P4HA2: variants seen among roughly 807,000 people sequenced by gnomAD.
The protein encoded by P4HA2 is prolyl 4-hydroxylase subunit alpha 2.
P4HA2 carries 46 observed loss-of-function variants against 76.9 expected under a neutral mutation model. The ratio of observed to expected loss-of-function variants is 0.60; its 90% CI spans 0.47 to 0.76. The LOEUF is 0.76. Ranked by LOEUF, P4HA2 falls within the 30% of genes least tolerant of loss-of-function variation. The pLI, the probability that P4HA2 is intolerant of heterozygous loss-of-function variation, is 0.00. For synonymous variants in P4HA2, 243 were observed against 254.0 expected (o/e 0.96, Z 0.41); for missense variants, 583 against 669.4 (o/e 0.87, Z 1.42).
chr5:132,194,696 C>A (rs1750356867), intron 14 of P4HA2, among the ~76,000 whole-genome samples: 2 of 152,212 alleles, frequency 1.3e-5, no homozygotes, highest in African/African-American at 2.4e-5. Flanking sequence ...CGTCCTCAGG[C>A]CTTCTTCAGC....
chr5:132,213,051 C>G (rs935955173), intron 5 of P4HA2, among the ~76,000 whole-genome samples: 1 of 152,154 alleles, frequency 6.6e-6, no homozygotes, highest in East Asian at 1.9e-4. Flanking sequence ...AACACTAACA[C>G]TGGGAAGTCA....
At chr5:132,202,835 C>T (rs1014034868) in intron 10 of P4HA2, 2 of 152,252 alleles carry the variant, frequency 1.3e-5, no homozygotes, top group African/African-American at 4.8e-5. Context: ...CCAGCTTAAC[C>T]AGTCCAGGCC....
At chr5:132,203,608 A>G in intron 10 of P4HA2, 140 bp downstream of exon 10, 1 of 630,014 alleles carries the variant, frequency 1.6e-6, no homozygotes, top group South Asian at 1.9e-5. Context: ...TGGTTTCCTA[A>G]AATGAGATCA....
Position 132,190,190 on chromosome 5 carries a change from C to T in P4HA2, c.*2820G>A, listed in dbSNP as rs2667737. Among the ~76,000 whole-genome samples, 31,085 of 152,034 alleles carry T rather than the reference C, an allele frequency of 0.2. 3,236 individuals are homozygous for T. The highest frequency in any genetic ancestry group is 0.3 in the East Asian group (1,553 of 5,170). On this transcript the variant is annotated 3_prime_UTR_variant, in exon 15 of 15. Coordinates refer to ENST00000360568, the MANE Select transcript of P4HA2 (RefSeq NM_001017974.2). Reference sequence around the variant, plus strand: ...AATTTTCCACAATTGATTAAGGATACCATTGTACAAATTCAAGAATCCAAA... The same window carrying T: ...AATTTTCCACAATTGATTAAGGATATCATTGTACAAATTCAAGAATCCAAA...
intron 7 of P4HA2, 39 bp downstream of exon 7, chr5:132,209,099 T>A: frequency 6.7e-7 from 1 of 1,497,202 alleles, no homozygotes. Context: ...AGAGTCCAGG[T>A]CCACAGCTTT....
intron 1 of P4HA2, among the ~76,000 whole-genome samples, chr5:132,221,261 C>T (rs1754619865): frequency 6.6e-6 from 1 of 152,198 alleles, no homozygotes; most frequent in South Asian, 2.1e-4. Context: ...TGGAATAAGT[C>T]TGGAGGTGAA....
rs534113524 is a variant in P4HA2, at chr5:132,210,283, C to T, written c.709+1G>A. ...CTTACCTTCCCCTAGAATCTCCTTA[C>T]CAAGGGAGAGCAGGCGGCGGGTGAG... On this transcript the variant is annotated splice_donor_variant, in intron 6 of 14. Coordinates refer to ENST00000360568, the MANE Select transcript of P4HA2 (RefSeq NM_001017974.2). LOFTEE classifies it high-confidence loss of function. The T allele has an allele frequency of 6.2e-7, 1 of 1,614,086 alleles. No individual in the cohort carries two copies. Among genetic ancestry groups the T allele is most frequent in the South Asian group, 1.1e-5 (1 of 91,084 alleles).
chr5:132,204,570 G>A (rs573869986), intron 8 of P4HA2, among the ~76,000 whole-genome samples: 6 of 152,140 alleles, frequency 3.9e-5, no homozygotes, highest in African/African-American at 9.6e-5. Flanking sequence ...CTGAGCCTCC[G>A]CCTTATGTAC....
rs372126421 is a variant in P4HA2, at chr5:132,190,769, T to G, written c.*2241A>C. Among the ~76,000 whole-genome samples the G allele has an allele frequency of 7.9e-5, 12 of 152,110 alleles. No individual in the cohort carries two copies. The highest frequency in any genetic ancestry group is 7.7e-4 in the East Asian group (4 of 5,176). ...TGTTTATCAAAAGACAGAACTAAAA[T>G]AGTGAAAAGACAAGCCACAGAAGAT... is the stretch of plus-strand genomic sequence containing the variant. On this transcript the variant is annotated 3_prime_UTR_variant, in exon 15 of 15. Transcript: ENST00000360568.
At chr5:132,224,942 CT>C (rs1251248184) in intron 1 of P4HA2, among the ~76,000 whole-genome samples, 3 of 151,102 alleles carry the variant, frequency 2.0e-5, no homozygotes, top group Non-Finnish European at 2.9e-5. Flanking sequence ...GGAGAGCACT[CT>C]ACCCAAACAC....
At chr5:132,193,250 A>C (rs916429868) in intron 14 of P4HA2, 170 bp from the exon 15 acceptor site, 21 of 584,874 alleles carry the variant, frequency 3.6e-5, no homozygotes, top group Non-Finnish European at 5.9e-5. Context: ...AGACACATGT[A>C]AACAGATAAT....
intron 6 of P4HA2, 92 bp downstream of exon 6, chr5:132,210,192 A>T (rs1752875673): frequency 1.4e-6 from 2 of 1,427,142 alleles, no homozygotes; most frequent in South Asian, 2.4e-5. Context: ...AAACTGACTC[A>T]GTCCCAGGAG....
At chr5:132,197,902 C>T (rs944099803) in intron 12 of P4HA2, 2 of 589,202 alleles carry the variant, frequency 3.4e-6, no homozygotes, top group African/African-American at 4.0e-5. Flanking sequence ...TTTAATACCA[C>T]TGAACCGTAC....
intron 10 of P4HA2, chr5:132,201,304 A>C (rs1300247560): frequency 6.6e-6 from 1 of 152,242 alleles, no homozygotes. Context: ...TTCACCAGAA[A>C]GCCTCAATTA....
chr5:132,209,163 A>T lies in P4HA2; in HGVS notation c.878T>A (p.Leu293His). 6.2e-7 allele frequency: 1 copy of T among 1,613,658 alleles called. No homozygotes were observed. The highest frequency in any genetic ancestry group is 8.5e-7 in the Non-Finnish European group (1 of 1,179,772). ...YLPERDVYES[L>H]CRGEGVKLTP... is the part of the protein sequence containing the mutation. ...CAGTTTGACACCCTCCCCACGACAG[A>T]GGCTCTCGTAAACATCCCTCTCAGG... The change falls in exon 7 of 15, where the codon CTC becomes CAC. Residue 293 changes from leucine to histidine, a missense_variant. Physicochemically the swap from Leu to His is moderately conservative, Grantham distance 99 (BLOSUM62 -3). Coordinates refer to ENST00000360568, the MANE Select transcript of P4HA2 (RefSeq NM_001017974.2).
intron 6 of P4HA2, 41 bp downstream of exon 6, chr5:132,210,242 CA>C: frequency 6.2e-7 from 1 of 1,610,294 alleles, no homozygotes; most frequent in Non-Finnish European, 8.5e-7. Flanking sequence ...GTTCCTCTGC[CA>C]CTCTCCATTC....
At chr5:132,193,915 G>T (rs1023089292) in intron 14 of P4HA2, among the ~76,000 whole-genome samples, 4 of 151,808 alleles carry the variant, frequency 2.6e-5, no homozygotes, top group African/African-American at 4.8e-5. Flanking sequence ...TAAAATTGTC[G>T]CAAGGCTTAT....
chr5:132,227,002 TC>T (rs1302476047), intron 1 of P4HA2: 1 of 152,676 alleles, frequency 6.5e-6, no homozygotes, highest in Non-Finnish European at 1.5e-5. Context: ...ATGGGTCACC[TC>T]CTCCGGGAAG....
At position 132,207,705 on chromosome 5, in the gene P4HA2, T is replaced by C. The variant is rs775918007; in HGVS notation, c.1080+3A>G. 5 of 1,611,878 alleles carry C rather than the reference T, an allele frequency of 3.1e-6. No homozygotes were observed. The highest frequency in any genetic ancestry group is 4.2e-6 in the Non-Finnish European group (5 of 1,178,132). ...CCCGAGAAGGACCTACAGTGACACC[T>C]ACTTTAGGTTTTGCGATCTCCTTGA... is the stretch of plus-strand genomic sequence containing the variant. On this transcript the variant is annotated splice_donor_region_variant and intron_variant, in intron 8 of 14. Coordinates refer to ENST00000360568, the MANE Select transcript of P4HA2 (RefSeq NM_001017974.2).
Sources: allele counts gnomAD v4.1 joint callset (sites outside exome capture counted in the v4.1 genomes callset), GRCh38; gene constraint gnomAD v4.1.1; transcripts MANE v1.5; gene names NCBI Gene and HGNC (gene_info 2026-07-23, HGNC 2026-07-21).